Variants in EIF3H observed in about 807,000 individuals in gnomAD.
EIF3H encodes the protein eukaryotic translation initiation factor 3 subunit H.
In EIF3H, 26 loss-of-function variants were observed where a neutral mutation model predicts 44.2. The ratio of observed to expected loss-of-function variants is 0.59; its 90% CI spans 0.43 to 0.82. EIF3H has a LOEUF of 0.82. Ranked by LOEUF, EIF3H falls within the 40% of genes least tolerant of loss-of-function variation. EIF3H has a pLI of 0.00. For synonymous variants in EIF3H, 166 were observed against 151.9 expected, an observed-to-expected ratio of 1.09 and a Z score of -0.68; for missense variants, 359 against 432.8, an observed-to-expected ratio of 0.83 and a Z score of 1.51.
chr8:116,713,092 T>C (rs1218611093), intron 2 of EIF3H, among the ~76,000 whole-genome samples: 1 of 152,188 alleles, frequency 6.6e-6, no homozygotes, highest in African/African-American at 2.4e-5. Flanking sequence ...TATCTTTACG[T>C]AAAGTTGTTG....
intron 2 of EIF3H, among the ~76,000 whole-genome samples, chr8:116,681,983 C>T (rs751215525): frequency 1.3e-5 from 2 of 152,040 alleles, no homozygotes; most frequent in African/African-American, 2.4e-5. Flanking sequence ...AGTTCAGTAA[C>T]GGAAGTATTT....
At chr8:116,694,666 T>C (rs1814237563) in intron 2 of EIF3H, among the ~76,000 whole-genome samples, 10 of 152,240 alleles carry the variant, frequency 6.6e-5, no homozygotes, top group Admixed American at 6.5e-4. Context: ...TGCGGTGAAA[T>C]CATTCATGTT....
At chr8:116,725,903 G>T in intron 2 of EIF3H, 113 bp downstream of exon 2, 2 of 1,279,250 alleles carry the variant, frequency 1.6e-6, no homozygotes, top group Non-Finnish European at 1.1e-6. Flanking sequence ...ATCAAGTGAA[G>T]TAGGCTAGCC....
At chr8:116,752,673 AAAG>A (rs1815361980) in intron 1 of EIF3H, among the ~76,000 whole-genome samples, 1 of 39,324 alleles carries the variant, frequency 2.5e-5, no homozygotes, top group Admixed American at 2.5e-4. Flanking sequence ...ATGAAGAAAG[AAAG>A]AAAGAAAGAA....
chr8:116,725,928 T>A, intron 2 of EIF3H, 88 bp downstream of exon 2: 1 of 1,431,606 alleles, frequency 7.0e-7, no homozygotes. Flanking sequence ...AGATTCCCAA[T>A]TCACACATTA....
At position 116,726,036 on chromosome 8, in the gene EIF3H, T is replaced by A; in HGVS notation, c.269A>T (p.Asp90Val). The A allele has an allele frequency of 1.2e-6, 2 of 1,613,976 alleles. No homozygotes were observed. The highest frequency in any genetic ancestry group is 1.7e-6 in the Non-Finnish European group (2 of 1,179,912). Residue 90 changes from aspartate to valine, a missense_variant, in exon 2 of 8, where the codon GAT becomes GTT. Transcript: ENST00000521861. ...CTTACCTTCATCAAAGTCAGCATCATCCTCTGTGTGCTGAGGGAAAGGAAA... is the reference window on the plus strand; with the variant it reads ...CTTACCTTCATCAAAGTCAGCATCAACCTCTGTGTGCTGAGGGAAAGGAAA... ...NCFPFPQHTE[D>V]DADFDEVQYQ...
chr8:116,711,912 T>C (rs895851059), intron 2 of EIF3H, among the ~76,000 whole-genome samples: 1 of 152,104 alleles, frequency 6.6e-6, no homozygotes, highest in Non-Finnish European at 1.5e-5. Context: ...TTTCAAAAAA[T>C]ATGTGTAGCA....
intron 1 of EIF3H, among the ~76,000 whole-genome samples, chr8:116,764,589 T>C (rs530360724): frequency 1.4e-4 from 21 of 152,334 alleles, no homozygotes; most frequent in Admixed American, 3.9e-4. Flanking sequence ...AAATGGGCAT[T>C]TTAAACAAGC....
chr8:116,737,209 A>G (rs943195232), intron 1 of EIF3H: 26 of 433,346 alleles, frequency 6.0e-5, no homozygotes, highest in Non-Finnish European at 1.1e-4. Flanking sequence ...CCTGAAGGAC[A>G]GGTAGGCATT....
chr8:116,742,606 T>TAAGTTTATTACATTC (rs1435176049), intron 1 of EIF3H, among the ~76,000 whole-genome samples: 2 of 152,218 alleles, frequency 1.3e-5, no homozygotes, highest in African/African-American at 4.8e-5. Flanking sequence ...TAACACATTC[T>TAAGTTTATTACATTC]AAGTTTATTA....
At chr8:116,708,476 A>T (rs76214624) in intron 2 of EIF3H, among the ~76,000 whole-genome samples, 15,478 of 152,070 alleles carry the variant, frequency 0.1, 1,185 homozygotes, top group East Asian at 0.42. Context: ...CACAGTATAG[A>T]AAATTAGTAA....
upstream of EIF3H, among the ~76,000 whole-genome samples, chr8:116,757,723 AT>A (rs749047527): frequency 0.038 from 5,490 of 144,026 alleles, 245 homozygotes; most frequent in African/African-American, 0.11. Flanking sequence ...AGTTATGTTA[AT>A]TTTTTTTTTT....
intron 1 of EIF3H, among the ~76,000 whole-genome samples, chr8:116,749,982 G>C (rs1815299861): frequency 6.6e-6 from 1 of 152,292 alleles, no homozygotes; most frequent in African/African-American, 2.4e-5. Context: ...GAACAAATGT[G>C]TTAAAACATC....
chr8:116,755,964 C>T (rs1166245621), upstream of EIF3H: 2 of 1,536,218 alleles, frequency 1.3e-6, no homozygotes, highest in Non-Finnish European at 1.7e-6. Flanking sequence ...TCTTTCCAGG[C>T]GGTATCCTTT....
chr8:116,674,894 T>A (rs755477103), intron 2 of EIF3H, among the ~76,000 whole-genome samples: 9 of 151,908 alleles, frequency 5.9e-5, no homozygotes, highest in Non-Finnish European at 1.0e-4. Flanking sequence ...AAAAAGTTGT[T>A]TTTTTTTAGA....
At chr8:116,686,718 A>G (rs1049919412) in intron 2 of EIF3H, among the ~76,000 whole-genome samples, 1 of 152,060 alleles carries the variant, frequency 6.6e-6, no homozygotes, top group Non-Finnish European at 1.5e-5. Flanking sequence ...GGACAGGGGA[A>G]TTAGGAAAGG....
chr8:116,732,552 C>T (rs1814967759), intron 1 of EIF3H, among the ~76,000 whole-genome samples: 1 of 152,110 alleles, frequency 6.6e-6, no homozygotes, highest in Non-Finnish European at 1.5e-5. Flanking sequence ...AGAATAATTT[C>T]CTATCAAACA....
At chr8:116,709,281 T>G (rs1477901223) in intron 2 of EIF3H, among the ~76,000 whole-genome samples, 2 of 152,176 alleles carry the variant, frequency 1.3e-5, no homozygotes, top group Non-Finnish European at 2.9e-5. Context: ...AAGACAACCC[T>G]TTGCCCAAAA....
chr8:116,736,906 T>C (rs555137612), intron 1 of EIF3H, among the ~76,000 whole-genome samples: 47 of 152,292 alleles, frequency 3.1e-4, no homozygotes, highest in African/African-American at 1.0e-3. Flanking sequence ...TTAATAAACC[T>C]AGGTCACCAA....
Sources: gnomAD v4.1 joint callset for allele counts (sites outside exome capture counted in the v4.1 genomes callset) on GRCh38, gnomAD v4.1.1 for gene constraint, MANE v1.5 for transcripts, NCBI Gene and HGNC (gene_info 2026-07-23, HGNC 2026-07-21) for gene names.